FRMD4A: variants seen among roughly 807,000 people sequenced by gnomAD.
FRMD4A encodes the protein FERM domain containing 4A.
FRMD4A carries 29 observed loss-of-function variants against 129.1 expected under a neutral mutation model. The ratio of observed to expected loss-of-function variants is 0.22; its 90% CI spans 0.17 to 0.31. The LOEUF (loss-of-function observed/expected upper bound fraction) is 0.31, where lower values mean the gene tolerates loss of function less well. FRMD4A is among the 10% of genes least tolerant of loss of function. The probability of loss-of-function intolerance (pLI) is 1.00; values close to 1 mark genes in which losing one functional copy is unlikely to be tolerated. For synonymous variants in FRMD4A, 634 were observed against 571.6 expected (o/e 1.11, Z -1.56); for missense variants, 1,272 against 1,375.8 (o/e 0.92, Z 1.19).
At chr10:13,952,595 G>T (rs1028349169) in intron 2 of FRMD4A, among the ~76,000 whole-genome samples, 2 of 152,214 alleles carry the variant, frequency 1.3e-5, no homozygotes, top group South Asian at 4.1e-4. Context: ...ACTGCTATAT[G>T]TCAAAGAGCA....
At chr10:14,324,144 T>C (rs893074612) in intron 2 of FRMD4A, among the ~76,000 whole-genome samples, 10 of 152,158 alleles carry the variant, frequency 6.6e-5, no homozygotes, top group Admixed American at 2.6e-4. Context: ...CAGAAACAGG[T>C]CCAGCAGAAA....
At chr10:13,799,466 C>A (rs543580879) in intron 4 of FRMD4A, among the ~76,000 whole-genome samples, 1 of 151,248 alleles carries the variant, frequency 6.6e-6, no homozygotes, top group South Asian at 2.1e-4. Context: ...CACCAGTTGA[C>A]TTTCTATATC....
At chr10:13,905,075 G>A (rs924503114) in intron 2 of FRMD4A, among the ~76,000 whole-genome samples, 1 of 151,642 alleles carries the variant, frequency 6.6e-6, no homozygotes, top group Non-Finnish European at 1.5e-5. Flanking sequence ...AAGGAAGGCA[G>A]CCTTCCTTAA....
intron 2 of FRMD4A, among the ~76,000 whole-genome samples, chr10:14,276,802 C>T (rs1412077068): frequency 1.3e-5 from 2 of 152,194 alleles, no homozygotes; most frequent in Admixed American, 1.3e-4. Context: ...CCACACTACT[C>T]ACATTTGTGG....
intron 3 of FRMD4A, among the ~76,000 whole-genome samples, chr10:13,853,892 T>C (rs532996336): frequency 4.9e-4 from 72 of 147,428 alleles, no homozygotes; most frequent in Middle Eastern, 3.6e-3. Context: ...CGGCCAACCA[T>C]TCATCTAAAG....
chr10:13,799,157 A>G (rs2093195603), intron 4 of FRMD4A, among the ~76,000 whole-genome samples: 2 of 152,032 alleles, frequency 1.3e-5, no homozygotes, highest in African/African-American at 2.4e-5. Context: ...CTGACTTTTT[A>G]AAATTTATTT....
At chr10:13,733,799 T>G (rs1047294437) in intron 12 of FRMD4A, among the ~76,000 whole-genome samples, 4 of 152,246 alleles carry the variant, frequency 2.6e-5, no homozygotes, top group African/African-American at 9.6e-5. Context: ...TATGTAAGCT[T>G]CAGAGCCCAT....
chr10:13,971,163 G>A (rs2095515788), intron 2 of FRMD4A, among the ~76,000 whole-genome samples: 1 of 151,644 alleles, frequency 6.6e-6, no homozygotes, highest in Admixed American at 6.6e-5. Context: ...CATACTCACA[G>A]GCACACACAT....
chr10:13,797,692 A>G (rs2093151221), intron 4 of FRMD4A, among the ~76,000 whole-genome samples: 2 of 152,186 alleles, frequency 1.3e-5, no homozygotes, highest in Admixed American at 6.5e-5. Context: ...GTAAAGTCAC[A>G]TGGAACAGAC....
chr10:13,737,418 T>G (rs1056504602), intron 12 of FRMD4A, among the ~76,000 whole-genome samples: 3 of 152,144 alleles, frequency 2.0e-5, no homozygotes, highest in Non-Finnish European at 4.4e-5. Flanking sequence ...TGCAATCTCT[T>G]CTTTCAGCTC....
chr10:13,651,426 G>A (rs2081571706), intron 24 of FRMD4A: 1 of 155,614 alleles, frequency 6.4e-6, no homozygotes, highest in Non-Finnish European at 1.4e-5. Flanking sequence ...GATAGAACAT[G>A]GTGAGTCTAA....
intron 2 of FRMD4A, among the ~76,000 whole-genome samples, chr10:13,984,587 G>A (rs937650179): frequency 6.6e-5 from 10 of 152,008 alleles, no homozygotes; most frequent in South Asian, 4.2e-4. Flanking sequence ...TGTCCCTGTC[G>A]GTTTGACAAT....
chr10:14,170,197 C>T (rs910464427), intron 2 of FRMD4A, among the ~76,000 whole-genome samples: 2 of 152,134 alleles, frequency 1.3e-5, no homozygotes, highest in African/African-American at 4.8e-5. Context: ...TGACATCTTA[C>T]CTCTGTATCT....
chr10:14,094,707 A>G (rs1373628217), intron 2 of FRMD4A, among the ~76,000 whole-genome samples: 1 of 152,088 alleles, frequency 6.6e-6, no homozygotes, highest in Non-Finnish European at 1.5e-5. Context: ...ATCTTTGGTG[A>G]CTCTGTTCTG....
chr10:13,939,209 G>A (rs148026337), intron 2 of FRMD4A, among the ~76,000 whole-genome samples: 23 of 152,330 alleles, frequency 1.5e-4, no homozygotes, highest in African/African-American at 4.8e-4. Context: ...ATTAATCAAT[G>A]TAGGGTGAGA....
intron 2 of FRMD4A, among the ~76,000 whole-genome samples, chr10:14,159,876 C>G (rs930588536): frequency 1.3e-4 from 20 of 151,966 alleles, no homozygotes; most frequent in South Asian, 4.2e-4. Flanking sequence ...ATGGTGAAAC[C>G]CTGTCTCTAC....
intron 2 of FRMD4A, among the ~76,000 whole-genome samples, chr10:13,983,504 TA>T (rs2095569611): frequency 6.6e-6 from 1 of 152,142 alleles, no homozygotes; most frequent in Admixed American, 6.5e-5. Flanking sequence ...AATATATATA[TA>T]TTTTTTTCCA....
At chr10:14,079,250 C>A (rs1447438590) in intron 2 of FRMD4A, among the ~76,000 whole-genome samples, 2 of 152,024 alleles carry the variant, frequency 1.3e-5, no homozygotes, top group African/African-American at 4.8e-5. Context: ...GGATTTGAAC[C>A]CCTGCCAGGG....
intron 7 of FRMD4A, among the ~76,000 whole-genome samples, chr10:13,762,401 C>T (rs146651412): frequency 0.011 from 1,721 of 152,246 alleles, 33 homozygotes; most frequent in Non-Finnish European, 0.015. Flanking sequence ...CACAACTTCG[C>T]TTTACAGGGA....
Sources: allele counts gnomAD v4.1 joint callset (sites outside exome capture counted in the v4.1 genomes callset), GRCh38; gene constraint gnomAD v4.1.1; transcripts MANE v1.5; gene names NCBI Gene and HGNC (gene_info 2026-07-23, HGNC 2026-07-21).